The following ALPK2 variants were observed in gnomAD, a reference collection of about 807,000 sequenced individuals.
The protein encoded by ALPK2 is alpha-protein kinase 2.
Under a neutral mutation model 163.1 loss-of-function variants are expected in ALPK2, and 127 were observed. That is an observed-to-expected ratio of 0.78 (90% CI 0.67 to 0.90). The LOEUF (loss-of-function observed/expected upper bound fraction) is 0.90, where lower values mean the gene tolerates loss of function less well. Among genes scored for constraint, ALPK2 ranks in the 40% least tolerant of loss-of-function variants. The pLI is 0.00. For synonymous variants in ALPK2, 953 were observed against 959.1 expected, an observed-to-expected ratio of 0.99 and a Z score of 0.12; for missense variants, 2,360 against 2,589.6, an observed-to-expected ratio of 0.91 and a Z score of 1.92.
intron 4 of ALPK2, among the ~76,000 whole-genome samples, chr18:58,551,915 A>G (rs768983921): frequency 2.6e-5 from 4 of 152,310 alleles, no homozygotes; most frequent in East Asian, 1.9e-4. Context: ...ATGTTCTGCT[A>G]TCTCCTTATG....
At chr18:58,555,356 A>G (rs1015333222) in intron 4 of ALPK2, among the ~76,000 whole-genome samples, 3 of 152,186 alleles carry the variant, frequency 2.0e-5, no homozygotes, top group African/African-American at 4.8e-5. Flanking sequence ...TGAGATTCGA[A>G]TCATATCTAG....
intron 4 of ALPK2, among the ~76,000 whole-genome samples, chr18:58,551,261 GCATTCAA>G (rs1411155087): frequency 6.6e-6 from 1 of 152,186 alleles, no homozygotes; most frequent in Non-Finnish European, 1.5e-5. Context: ...CCAGAAGTGT[GCATTCAA>G]GGTGTCGCCA....
intron 5 of ALPK2, among the ~76,000 whole-genome samples, chr18:58,533,071 TC>T (rs1200150554): frequency 3.3e-5 from 5 of 152,232 alleles, no homozygotes; most frequent in African/African-American, 1.2e-4. Flanking sequence ...CCCCGTAGTC[TC>T]CGGCAGGGCC....
At position 58,591,324 on chromosome 18, in the gene ALPK2, G is replaced by A. The variant is rs181910649; in HGVS notation, c.228-10776C>T. Among the ~76,000 whole-genome samples, 11 of 152,186 alleles carry A rather than the reference G, an allele frequency of 7.2e-5. No individual in the cohort carries two copies. In the East Asian group the frequency reaches 9.7e-4, roughly 13 times the overall value. ...AGATGTGACACGTCTTAAGTTATAC[G>A]GCCAAAAAAATGGTAGGAAATGTCT... On this transcript the variant is annotated intron_variant, in intron 3 of 12. Coordinates refer to ENST00000361673, the MANE Select transcript of ALPK2 (RefSeq NM_052947.4).
At chr18:58,514,957 C>T (rs755442886) in intron 10 of ALPK2, 36 bp downstream of exon 10, 1 of 1,548,920 alleles carries the variant, frequency 6.5e-7, no homozygotes. Context: ...CCCAACGAGT[C>T]AGGAGTGTGA....
chr18:58,535,232 G>T lies in ALPK2; in HGVS notation c.4955C>A (p.Thr1652Asn), dbSNP rs1336258569. Reference protein sequence around the residue: ...PPSSSSSSAKTLAFISGEREL... With the variant: ...PPSSSSSSAKNLAFISGEREL... ...ACGTTCTCCTGAAATAAATGCCAAG[G>T]TCTTCGCTGAGGAGCTAGATGAGCT... is the stretch of plus-strand genomic sequence containing the variant. The change falls in exon 5 of 13, where the codon ACC becomes AAC. Residue 1652 changes from threonine (T) to asparagine (N), a missense_variant. By Grantham distance (65) the Thr-to-Asn change is moderately conservative (BLOSUM62 0). Coordinates refer to ENST00000361673, the MANE Select transcript of ALPK2 (RefSeq NM_052947.4). 2 of 1,614,106 alleles carry T rather than the reference G, an allele frequency of 1.2e-6. No homozygotes were observed. The highest frequency in any genetic ancestry group is 1.7e-6 in the Non-Finnish European group (2 of 1,180,018).
intron 10 of ALPK2, among the ~76,000 whole-genome samples, chr18:58,506,842 G>A (rs2051464445): frequency 6.6e-6 from 1 of 152,172 alleles, no homozygotes; most frequent in African/African-American, 2.4e-5. Context: ...AGCCTGTTTA[G>A]CCGCCTCCCT....
intron 4 of ALPK2, among the ~76,000 whole-genome samples, chr18:58,541,968 G>A (rs774947543): frequency 4.6e-5 from 7 of 152,188 alleles, no homozygotes; most frequent in Non-Finnish European, 8.8e-5. Context: ...AAGAATGCTA[G>A]CAAATGATTC....
intron 10 of ALPK2, among the ~76,000 whole-genome samples, chr18:58,514,364 G>A (rs1261423018): frequency 6.6e-6 from 1 of 152,148 alleles, no homozygotes; most frequent in East Asian, 1.9e-4. Flanking sequence ...CACTAGCTAA[G>A]CCCTTTTTCT....
chr18:58,589,982 C>A (rs941397462), intron 3 of ALPK2, among the ~76,000 whole-genome samples: 2 of 152,126 alleles, frequency 1.3e-5, no homozygotes, highest in African/African-American at 4.8e-5. Context: ...CTTTGGGAGG[C>A]TGAGGCAGGT....
chr18:58,508,965 TG>T (rs989610036), intron 10 of ALPK2, among the ~76,000 whole-genome samples: 7 of 151,722 alleles, frequency 4.6e-5, no homozygotes, highest in African/African-American at 1.7e-4. Flanking sequence ...ACATGTGCCA[TG>T]TTGGTGTGCT....
intron 3 of ALPK2, among the ~76,000 whole-genome samples, chr18:58,587,507 GA>G (rs1013640164): frequency 3.9e-5 from 6 of 151,974 alleles, no homozygotes; most frequent in East Asian, 1.9e-4. Context: ...CTAAAGAGCT[GA>G]AAAAAAGTAT....
At chr18:58,567,991 C>T (rs1442601488) in intron 4 of ALPK2, among the ~76,000 whole-genome samples, 1 of 152,196 alleles carries the variant, frequency 6.6e-6, no homozygotes, top group African/African-American at 2.4e-5. Context: ...TCCAGCATCT[C>T]CACTCTGTTG....
At chr18:58,552,163 C>A (rs1451113167) in intron 4 of ALPK2, among the ~76,000 whole-genome samples, 1 of 152,148 alleles carries the variant, frequency 6.6e-6, no homozygotes, top group East Asian at 1.9e-4. Context: ...ATTTTTCAAG[C>A]ATCAGCAGAA....
intron 3 of ALPK2, among the ~76,000 whole-genome samples, chr18:58,598,413 G>T (rs2052051734): frequency 6.6e-6 from 1 of 152,204 alleles, no homozygotes; most frequent in African/African-American, 2.4e-5. Flanking sequence ...AGGGGCGTGA[G>T]GTCCAAGTCA....
Position 58,515,080 on chromosome 18 carries a change from T to A in ALPK2, c.5942A>T (p.Glu1981Val), listed in dbSNP as rs144276398. ...IQRNYKLAAQ[E>V]CYVQNTARYY... is the part of the protein sequence containing the mutation. ...CCTGGCAGTATTTTGAACATAGCAT[T>A]CCTATATCGCCAAAATACATAGAAA... Residue 1981 changes from glutamate (E) to valine (V), a missense_variant and splice_region_variant, in exon 10 of 13, where the codon GAA becomes GTA. Coordinates refer to ENST00000361673, the MANE Select transcript of ALPK2 (RefSeq NM_052947.4). The A allele has an allele frequency of 3.7e-6, 6 of 1,609,658 alleles. No individual in the cohort carries two copies. In the African/African-American group the frequency reaches 8.0e-5, roughly 22 times the overall value.
chr18:58,536,952 C>T lies in ALPK2; in HGVS notation c.3235G>A (p.Val1079Met). 1 of 1,614,226 alleles carries T rather than the reference C, an allele frequency of 6.2e-7. No individual in the cohort carries two copies. Among genetic ancestry groups the T allele is most frequent in the Non-Finnish European group, 8.5e-7 (1 of 1,180,034 alleles). The change falls in exon 5 of 13, where the codon GTG (valine) becomes ATG (methionine). Residue 1079 changes from valine to methionine, a missense_variant. Transcript: ENST00000361673. ...AGGACATGGTGTGGGACTCCTGGCA[C>T]ACTGGGTGCCCTGCAAAGTAGCTCT... Reference protein sequence around the residue: ...TKELLCRAPSVPGVPHHVLQL... With the variant: ...TKELLCRAPSMPGVPHHVLQL...
chr18:58,597,267 G>A (rs1395205549), intron 3 of ALPK2, among the ~76,000 whole-genome samples: 2 of 152,190 alleles, frequency 1.3e-5, no homozygotes, highest in African/African-American at 4.8e-5. Context: ...TCCAGCCTGG[G>A]TGACAGAGTG....
At chr18:58,513,226 G>A (rs558704379) in intron 10 of ALPK2, among the ~76,000 whole-genome samples, 59 of 141,538 alleles carry the variant, frequency 4.2e-4, no homozygotes, top group African/African-American at 1.3e-3. Flanking sequence ...TGTTGTTTGT[G>A]TGGTATGTGT....
Sources: gnomAD v4.1 joint callset for allele counts (sites outside exome capture counted in the v4.1 genomes callset) on GRCh38, gnomAD v4.1.1 for gene constraint, MANE v1.5 for transcripts, NCBI Gene and HGNC (gene_info 2026-07-23, HGNC 2026-07-21) for gene names.